WWOX: variants seen among roughly 807,000 people sequenced by gnomAD.
WWOX encodes the protein WW domain-containing oxidoreductase.
In WWOX, 69 loss-of-function variants were observed where a neutral mutation model predicts 46.2. The ratio of observed to expected loss-of-function variants is 1.49; its 90% CI spans 1.23 to 1.82. The LOEUF (loss-of-function observed/expected upper bound fraction) is 1.82. WWOX is among the 40% of genes most tolerant of loss of function. The pLI, the probability that WWOX is intolerant of heterozygous loss-of-function variation, is 0.00. For synonymous variants in WWOX, 359 were observed against 202.6 expected (o/e 1.77, Z -6.56); for missense variants, 919 against 542.6 (o/e 1.69, Z -6.89).
chr16:78,389,588 G>A (rs2082135785), intron 6 of WWOX, among the ~76,000 whole-genome samples: 1 of 152,168 alleles, frequency 6.6e-6, no homozygotes, highest in African/African-American at 2.4e-5. Flanking sequence ...AGCAGTCCTT[G>A]GGAGTAGATG....
intron 8 of WWOX, among the ~76,000 whole-genome samples, chr16:78,848,346 G>A (rs998279473): frequency 2.6e-5 from 4 of 152,176 alleles, no homozygotes; most frequent in East Asian, 3.9e-4. Flanking sequence ...TTCCCAGACA[G>A]TCTAACTAAA....
intron 6 of WWOX, among the ~76,000 whole-genome samples, chr16:78,413,279 G>A (rs754600695): frequency 2.6e-5 from 4 of 152,268 alleles, no homozygotes; most frequent in Admixed American, 6.5e-5. Flanking sequence ...ATTGTCTCAC[G>A]TGTCCATGTG....
chr16:78,948,266 T>C (rs1185658050), intron 8 of WWOX, among the ~76,000 whole-genome samples: 1 of 152,184 alleles, frequency 6.6e-6, no homozygotes, highest in Non-Finnish European at 1.5e-5. Context: ...CTAGCTATTA[T>C]TTATTTGTTG....
chr16:78,609,167 C>T (rs1366446493), intron 8 of WWOX, among the ~76,000 whole-genome samples: 1 of 152,292 alleles, frequency 6.6e-6, no homozygotes, highest in Admixed American at 6.5e-5. Flanking sequence ...TCTATCCTTT[C>T]TCTAAAATAT....
chr16:78,632,365 A>G (rs1233818714), intron 8 of WWOX, among the ~76,000 whole-genome samples: 1 of 152,070 alleles, frequency 6.6e-6, no homozygotes, highest in Non-Finnish European at 1.5e-5. Flanking sequence ...TATCAGAGTC[A>G]TTATTGAGTT....
chr16:78,738,048 C>A (rs1424211230), intron 8 of WWOX, among the ~76,000 whole-genome samples: 1 of 152,182 alleles, frequency 6.6e-6, no homozygotes, highest in African/African-American at 2.4e-5. Context: ...ATAAGCAAGT[C>A]AAGGTGGGCT....
At chr16:78,862,202 T>A (rs953580446) in intron 8 of WWOX, among the ~76,000 whole-genome samples, 12 of 149,076 alleles carry the variant, frequency 8.0e-5, no homozygotes, top group East Asian at 2.0e-4. Context: ...GTCTGTATCT[T>A]TACACACCTA....
At position 78,189,906 on chromosome 16, in the gene WWOX, C is replaced by T. The variant is rs144652905; in HGVS notation, c.516+25617C>T. ...CTGACCTCAAGTGATCCACCCACCT[C>T]GGCCTCCCAAAGTGCTGGGATTACA... On this transcript the variant is annotated intron_variant, in intron 5 of 8. Transcript: ENST00000566780. Among the ~76,000 whole-genome samples the T allele has an allele frequency of 2.4e-3, 361 of 152,258 alleles. 1 individual carries two copies. Among genetic ancestry groups the T allele is most frequent in the African/African-American group, 8.1e-3 (335 of 41,530 alleles).
At chr16:79,070,434 G>A (rs950161079) in intron 8 of WWOX, among the ~76,000 whole-genome samples, 8 of 152,140 alleles carry the variant, frequency 5.3e-5, no homozygotes, top group Non-Finnish European at 1.0e-4. Flanking sequence ...CAGTCCAGAT[G>A]CCCTTTTTCT....
intron 8 of WWOX, among the ~76,000 whole-genome samples, chr16:79,209,351 A>G (rs1296979433): frequency 6.6e-6 from 1 of 152,238 alleles, no homozygotes; most frequent in Non-Finnish European, 1.5e-5. Context: ...TGGTATCATT[A>G]CAGTAGGTCA....
At chr16:78,573,469 C>G (rs1233344796) in intron 8 of WWOX, among the ~76,000 whole-genome samples, 2 of 152,166 alleles carry the variant, frequency 1.3e-5, no homozygotes, top group African/African-American at 4.8e-5. Context: ...TTTCCATACT[C>G]CATTCCATTC....
intron 5 of WWOX, among the ~76,000 whole-genome samples, chr16:78,354,744 A>T (rs1030625268): frequency 6.6e-6 from 1 of 151,864 alleles, no homozygotes; most frequent in Non-Finnish European, 1.5e-5. Flanking sequence ...ATTCTGTTAA[A>T]TTTTGTTTTC....
intron 8 of WWOX, among the ~76,000 whole-genome samples, chr16:78,955,218 A>G (rs2046140938): frequency 6.6e-6 from 1 of 152,172 alleles, no homozygotes; most frequent in Non-Finnish European, 1.5e-5. Flanking sequence ...CTAGAGCTGC[A>G]ATGTGGGTGC....
intron 8 of WWOX, among the ~76,000 whole-genome samples, chr16:78,771,858 G>C (rs1266615739): frequency 2.6e-5 from 4 of 151,796 alleles, no homozygotes; most frequent in Non-Finnish European, 5.9e-5. Context: ...GTTCAGTCTA[G>C]CTCTCTCACA....
intron 5 of WWOX, among the ~76,000 whole-genome samples, chr16:78,334,229 C>T (rs766624440): frequency 2.0e-5 from 3 of 152,180 alleles, no homozygotes; most frequent in Admixed American, 6.5e-5. Flanking sequence ...CCACAAACTG[C>T]GGCTCGTACA....
chr16:78,399,660 T>C (rs1164749238), intron 6 of WWOX, among the ~76,000 whole-genome samples: 1 of 152,230 alleles, frequency 6.6e-6, no homozygotes, highest in Non-Finnish European at 1.5e-5. Context: ...TCTCGATTTA[T>C]ATAAGACTTG....
chr16:79,182,834 A>G (rs1373778119), intron 8 of WWOX, among the ~76,000 whole-genome samples: 1 of 152,220 alleles, frequency 6.6e-6, no homozygotes, highest in Non-Finnish European at 1.5e-5. Flanking sequence ...ACAGAAATAT[A>G]TGTGGGTGGG....
chr16:79,003,631 T>C (rs1329461975), intron 8 of WWOX, among the ~76,000 whole-genome samples: 2 of 152,140 alleles, frequency 1.3e-5, no homozygotes, highest in African/African-American at 4.8e-5. Flanking sequence ...TTGTCACATG[T>C]CCAGGGCTTT....
At position 78,664,323 on chromosome 16, in the gene WWOX, A is replaced by T. The variant is rs370871960; in HGVS notation, c.1056+231571A>T. ...CCCTGACTCCCAGTGTGGGCTGGCC[A>T]CCCAGGAGGCACCCAGTTTATGTGT... is the stretch of plus-strand genomic sequence containing the variant. On this transcript the variant is annotated intron_variant, in intron 8 of 8. Transcript: ENST00000566780. 4.6e-5 allele frequency among the ~76,000 whole-genome samples: 7 copies of T among 152,302 alleles called. No homozygotes were observed. In the East Asian group the frequency reaches 1.2e-3, roughly 25 times the overall value.
Sources: gnomAD v4.1 joint callset for allele counts (sites outside exome capture counted in the v4.1 genomes callset) on GRCh38, gnomAD v4.1.1 for gene constraint, MANE v1.5 for transcripts, NCBI Gene and HGNC (gene_info 2026-07-23, HGNC 2026-07-21) for gene names.